The following ARFGEF3 variants were observed in gnomAD, a reference collection of about 807,000 sequenced individuals.
ARFGEF3 encodes the protein brefeldin A-inhibited guanine nucleotide-exchange protein 3.
Under a neutral mutation model 221.7 loss-of-function variants are expected in ARFGEF3, and 96 were observed. The ratio of observed to expected loss-of-function variants is 0.43; its 90% confidence interval spans 0.37 to 0.51. The LOEUF is 0.51. Ranked by LOEUF, ARFGEF3 falls within the 20% of genes least tolerant of loss-of-function variation. The pLI is 0.00. For missense variants in ARFGEF3, 2,410 were observed against 2,789.9 expected, an observed-to-expected ratio of 0.86 and a Z score of 3.07; for synonymous variants, 1,145 against 1,126.8, an observed-to-expected ratio of 1.02 and a Z score of -0.32.
At chr6:138,303,979 A>G (rs1014593960) in intron 22 of ARFGEF3, among the ~76,000 whole-genome samples, 1 of 151,624 alleles carries the variant, frequency 6.6e-6, no homozygotes, top group Non-Finnish European at 1.5e-5. Flanking sequence ...GCTGCTTTGC[A>G]GGCTGACAGT....
chr6:138,321,361 C>CTA (rs60425824), intron 29 of ARFGEF3, 136 bp downstream of exon 29: 27,040 of 598,752 alleles, frequency 0.045, 758 homozygotes, highest in African/African-American at 0.094. Flanking sequence ...TTAAAAATGA[C>CTA]TGTGCTAATA....
intron 5 of ARFGEF3, among the ~76,000 whole-genome samples, chr6:138,230,841 T>C (rs1428800519): frequency 6.6e-6 from 1 of 152,226 alleles, no homozygotes; most frequent in Non-Finnish European, 1.5e-5. Context: ...ACTCTGTATT[T>C]GTTTTATTTG....
At chr6:138,208,491 T>G (rs1467259856) in intron 3 of ARFGEF3, among the ~76,000 whole-genome samples, 1 of 151,978 alleles carries the variant, frequency 6.6e-6, no homozygotes. Context: ...AAAGAGGGAG[T>G]TATTACACTG....
Position 138,339,477 on chromosome 6 carries a change from ATG to A in ARFGEF3, c.*2992_*2993del, listed in dbSNP as rs1158898522. 5 of 152,372 alleles carry A rather than the reference ATG, an allele frequency of 3.3e-5. No homozygotes were observed. The highest frequency in any genetic ancestry group is 1.2e-4 in the African/African-American group (5 of 41,592). The allele number at this position is 152,372 out of a possible 1,614,324, so 9.4% of individuals were successfully genotyped here. A position where few individuals can be genotyped will look rare whatever the true frequency, so the allele number is the denominator to read the frequency against. On this transcript the variant is annotated 3_prime_UTR_variant, in exon 34 of 34. Coordinates refer to ENST00000251691, the MANE Select transcript of ARFGEF3 (RefSeq NM_020340.5). ...GCATGTATTTACAGACCTAAGCAGA[ATG>A]AGAGTTTATACATTGTTTTTAGTTG...
rs549497916 is a variant in ARFGEF3, at chr6:138,287,163, C to T, written c.2875C>T (p.Pro959Ser). Residue 959 changes from proline to serine, a missense_variant, in exon 17 of 34, where the codon CCC becomes TCC. Transcript: ENST00000251691. ...AAAAGAAGAGAGGGAGGCCCAAGAA[C>T]CCAGTGATGCCATCACACAAGGTAA... ...EEKEEREAQEPSDAITQVKLK... is the reference protein window; with the variant it reads ...EEKEEREAQESSDAITQVKLK... The T allele has an allele frequency of 1.3e-6, 2 of 1,564,398 alleles. No homozygotes were observed. The highest frequency in any genetic ancestry group is 2.7e-5 in the African/African-American group (2 of 73,808).
Position 138,162,191 on chromosome 6 carries a change from T to C in ARFGEF3, c.85+20T>C. The C allele has an allele frequency of 6.3e-7, 1 of 1,580,570 alleles. No individual in the cohort carries two copies. Among genetic ancestry groups the C allele is most frequent in the Non-Finnish European group, 8.6e-7 (1 of 1,160,198 alleles). On this transcript the variant is annotated intron_variant, in intron 1 of 33. Coordinates refer to ENST00000251691, the MANE Select transcript of ARFGEF3 (RefSeq NM_020340.5). This position sits in a 1 kb window ranked among gnomAD's most constrained non-coding sequence, Gnocchi z 4.7. Reference sequence around the variant, plus strand: ...CCCTGGGTAAGCGTCCGGCACCTGCTCGCCGCGGCGGGAGGGCCGCGCGGC... The same window carrying C: ...CCCTGGGTAAGCGTCCGGCACCTGCCCGCCGCGGCGGGAGGGCCGCGCGGC...
chr6:138,193,098 G>T (rs538443094), intron 2 of ARFGEF3, among the ~76,000 whole-genome samples: 5 of 152,260 alleles, frequency 3.3e-5, no homozygotes, highest in Middle Eastern at 6.8e-3. Flanking sequence ...CTGGCTCAAA[G>T]CTCCTTTGTG....
rs151215988 is a variant in ARFGEF3 at position 138,272,304 on chromosome 6, C to T, written c.2129-6147C>T. On this transcript the variant is annotated intron_variant, in intron 12 of 33. Transcript: ENST00000251691. ...CTGAGAAGCTGGGATTACAGGCGTCCGCCACCACGCCTGGCTAATTTTTTG... is the reference window on the plus strand; with the variant it reads ...CTGAGAAGCTGGGATTACAGGCGTCTGCCACCACGCCTGGCTAATTTTTTG... Among the ~76,000 whole-genome samples the T allele has an allele frequency of 4.8e-3, 730 of 152,174 alleles. 6 individuals carry two copies. Among genetic ancestry groups the T allele is most frequent in the African/African-American group, 0.016 (683 of 41,534 alleles).
chr6:138,205,707 A>G (rs1303000359), intron 2 of ARFGEF3, among the ~76,000 whole-genome samples: 1 of 152,244 alleles, frequency 6.6e-6, no homozygotes, highest in Non-Finnish European at 1.5e-5. Flanking sequence ...CAAAGGATGA[A>G]TCTAATGAAA....
At chr6:138,248,120 G>C (rs1001849418) in intron 8 of ARFGEF3, among the ~76,000 whole-genome samples, 6 of 152,220 alleles carry the variant, frequency 3.9e-5, no homozygotes, top group African/African-American at 1.2e-4. Flanking sequence ...ATGGGAGCTA[G>C]AGTTGTCATA....
intron 2 of ARFGEF3, among the ~76,000 whole-genome samples, chr6:138,186,848 C>A (rs1252094948): frequency 2.6e-5 from 4 of 151,276 alleles, no homozygotes; most frequent in Admixed American, 1.3e-4. Flanking sequence ...ACTGCACTGT[C>A]CCTTTCAAAG....
Position 138,294,101 on chromosome 6 carries a change from A to G in ARFGEF3, c.3477A>G (p.Thr1159=). 1 of 1,613,870 alleles carries G rather than the reference A, an allele frequency of 6.2e-7. No homozygotes were observed. Among genetic ancestry groups the G allele is most frequent in the Non-Finnish European group, 8.5e-7 (1 of 1,179,856 alleles). ...QSQLFHSVTD[T]VDYSLAMPGE... is the part of the protein sequence containing the mutation. ...AGCTTTTCCATTCTGTTACAGATACAGTTGATTACTCTCTGGCAATGCCAG... is the reference window on the plus strand; with the variant it reads ...AGCTTTTCCATTCTGTTACAGATACGGTTGATTACTCTCTGGCAATGCCAG... The change falls in exon 20 of 34, where the codon ACA becomes ACG. Residue 1159 remains threonine (T), a synonymous_variant. Transcript: ENST00000251691.
At chr6:138,264,304 C>T (rs1778846411) in intron 12 of ARFGEF3, among the ~76,000 whole-genome samples, 1 of 152,110 alleles carries the variant, frequency 6.6e-6, no homozygotes, top group Non-Finnish European at 1.5e-5. Flanking sequence ...TAGCATTTCA[C>T]ATAGTAAATA....
Position 138,334,766 on chromosome 6 carries a change from G to A in ARFGEF3, c.5920G>A (p.Gly1974Ser). The A allele has an allele frequency of 6.2e-7, 1 of 1,610,680 alleles. No homozygotes were observed. The highest frequency in any genetic ancestry group is 8.5e-7 in the Non-Finnish European group (1 of 1,178,346). Reference sequence around the variant, plus strand: ...CAGAAGCCAGTCCCGGGAGCACATGGGCGAGTCCCTGAGCCTGAAGGCCGG... The same window carrying A: ...CAGAAGCCAGTCCCGGGAGCACATGAGCGAGTCCCTGAGCCTGAAGGCCGG... Reference protein sequence around the residue: ...DDRSQSREHMGESLSLKAGGG... With the variant: ...DDRSQSREHMSESLSLKAGGG... Residue 1974 changes from glycine (G) to serine (S), a missense_variant, in exon 33 of 34, where the codon GGC (glycine) becomes AGC (serine). Transcript: ENST00000251691. The surrounding 1 kb of genome is among the most constrained non-coding windows in gnomAD (Gnocchi z 5.1).
chr6:138,293,878 C>T (rs1779458932), intron 19 of ARFGEF3, 115 bp from the exon 20 acceptor site: 1 of 971,072 alleles, frequency 1.0e-6, no homozygotes, highest in Non-Finnish European at 1.6e-6. Context: ...CATTTGTCTA[C>T]AGTGTTTACA....
At chr6:138,272,961 C>T (rs1779031444) in intron 12 of ARFGEF3, among the ~76,000 whole-genome samples, 1 of 152,082 alleles carries the variant, frequency 6.6e-6, no homozygotes, top group South Asian at 2.1e-4. Flanking sequence ...CATAAATGTC[C>T]ACCAATAGAG....
At chr6:138,189,171 T>G (rs146019896) in intron 2 of ARFGEF3, among the ~76,000 whole-genome samples, 37 of 152,274 alleles carry the variant, frequency 2.4e-4, no homozygotes, top group African/African-American at 7.7e-4. Context: ...AAGGTTTCAG[T>G]CTGACCTAGG....
intron 4 of ARFGEF3, among the ~76,000 whole-genome samples, chr6:138,213,144 C>T (rs893589249): frequency 2.0e-5 from 3 of 151,762 alleles, no homozygotes; most frequent in Admixed American, 6.6e-5. Context: ...AAAAATTAGC[C>T]GGGCATGGTG....
At chr6:138,283,238 T>C (rs1418459668) in intron 14 of ARFGEF3, among the ~76,000 whole-genome samples, 3 of 152,232 alleles carry the variant, frequency 2.0e-5, no homozygotes, top group Non-Finnish European at 4.4e-5. Flanking sequence ...AGCTTTCATT[T>C]GAGAAGACCA....
Sources: allele counts gnomAD v4.1 joint callset (sites outside exome capture counted in the v4.1 genomes callset), GRCh38; gene constraint gnomAD v4.1.1; non-coding constraint Gnocchi (gnomAD v3.1); transcripts MANE v1.5; gene names NCBI Gene and HGNC (gene_info 2026-07-23, HGNC 2026-07-21).